Variants in NNT observed in about 807,000 individuals in gnomAD.
NNT encodes NAD(P) transhydrogenase, mitochondrial.
A neutral mutation model predicts 104.8 loss-of-function variants in NNT; 50 were observed. The observed-to-expected ratio is 0.48, with a 90% CI of 0.38 to 0.60. The LOEUF (loss-of-function observed/expected upper bound fraction) is 0.60, where lower values mean the gene tolerates loss of function less well. NNT is among the 20% of genes least tolerant of loss of function. The probability of loss-of-function intolerance (pLI) is 0.00; values close to 1 mark genes in which losing one functional copy is unlikely to be tolerated. For synonymous variants in NNT, 461 were observed against 490.4 expected, an observed-to-expected ratio of 0.94 and a Z score of 0.79; for missense variants, 1,131 against 1,330.7, an observed-to-expected ratio of 0.85 and a Z score of 2.33.
At chr5:43,620,840 C>T (rs753898278) in intron 5 of NNT, among the ~76,000 whole-genome samples, 1 of 152,112 alleles carries the variant, frequency 6.6e-6, no homozygotes, top group Non-Finnish European at 1.5e-5. Context: ...CTTTGATGCA[C>T]AAGTCTACTA....
intron 2 of NNT, 91 bp from the exon 3 acceptor site, chr5:43,612,817 G>T: frequency 1.2e-6 from 1 of 840,964 alleles, no homozygotes; most frequent in South Asian, 1.7e-5. Flanking sequence ...AGAAAAGATT[G>T]CTCCTTTCAA....
chr5:43,618,255 G>C (rs1450770054), intron 4 of NNT, among the ~76,000 whole-genome samples: 1 of 152,112 alleles, frequency 6.6e-6, no homozygotes, highest in African/African-American at 2.4e-5. Flanking sequence ...TAGTCCTCAC[G>C]ACCCTAAAAG....
chr5:43,662,631 G>A (rs530108846), intron 17 of NNT, among the ~76,000 whole-genome samples: 7 of 152,278 alleles, frequency 4.6e-5, no homozygotes, highest in Non-Finnish European at 8.8e-5. Context: ...CGTGGCTCAT[G>A]CCTGTAATTC....
intron 19 of NNT, among the ~76,000 whole-genome samples, chr5:43,686,578 A>T (rs1742001494): frequency 6.6e-6 from 1 of 152,136 alleles, no homozygotes; most frequent in Non-Finnish European, 1.5e-5. Context: ...TAGAAAAGCA[A>T]CCCAGTAAGT....
At position 43,619,101 on chromosome 5, in the gene NNT, AAAAGTT is replaced by A. The variant is rs1749936127; in HGVS notation, c.670_675del (p.Lys224_Val225del). The stretch of plus-strand genomic sequence containing the variant: ...TTACTGGTCAGATCACAGCTGCTGG[AAAAGTT>A]CCTCCAGCTAAGGTAGGTACAACTT... On this transcript the variant is annotated inframe_deletion, in exon 5 of 22. Transcript: ENST00000344920. 1.3e-6 allele frequency: 2 copies of A among 1,548,470 alleles called. No homozygotes were observed. Among genetic ancestry groups the A allele is most frequent in the African/African-American group, 1.4e-5 (1 of 73,078 alleles).
chr5:43,647,241 A>C (rs919342298), intron 10 of NNT, among the ~76,000 whole-genome samples: 3 of 152,220 alleles, frequency 2.0e-5, no homozygotes, highest in Non-Finnish European at 4.4e-5. Context: ...TAGATAAAGC[A>C]GTGTCCCTAC....
At chr5:43,686,664 A>G (rs528918530) in intron 19 of NNT, among the ~76,000 whole-genome samples, 1 of 152,278 alleles carries the variant, frequency 6.6e-6, no homozygotes, top group Non-Finnish European at 1.5e-5. Flanking sequence ...AAAAATATGC[A>G]TTTATTTGAA....
intron 17 of NNT, among the ~76,000 whole-genome samples, chr5:43,673,412 G>A (rs373645240): frequency 8.6e-5 from 13 of 152,046 alleles, no homozygotes; most frequent in Non-Finnish European, 1.2e-4. Flanking sequence ...CTTCCTATTC[G>A]GCCATCTTGG....
chr5:43,651,963 A>C, intron 13 of NNT, 79 bp downstream of exon 13: 1 of 1,449,862 alleles, frequency 6.9e-7, no homozygotes, highest in East Asian at 2.3e-5. Context: ...AGTTATCCTA[A>C]TTCAAAGTAT....
intron 10 of NNT, chr5:43,648,146 G>A (rs1328187559): frequency 8.6e-7 from 1 of 1,165,200 alleles, no homozygotes; most frequent in Non-Finnish European, 1.1e-6. Flanking sequence ...GATGGTTAAT[G>A]GGCTATGCAC....
chr5:43,695,492 A>T (rs1362474044), intron 19 of NNT, among the ~76,000 whole-genome samples: 1 of 152,224 alleles, frequency 6.6e-6, no homozygotes, highest in Admixed American at 6.5e-5. Flanking sequence ...TTATGCATCT[A>T]GATCATGTCT....
In NNT at chr5:43,659,063, TA is replaced by T. The variant is rs370833778; in HGVS notation, c.2455-105del. On this transcript the variant is annotated intron_variant, in intron 16 of 21. Coordinates refer to ENST00000344920, the MANE Select transcript of NNT (RefSeq NM_182977.3). ...TATTACCGGAAGTGGAACTTATATG[TA>T]AATATATTAATGGGAAAACTAGAAT... 8 of 1,131,936 alleles carry T rather than the reference TA, an allele frequency of 7.1e-6. No homozygotes were observed. In the African/African-American group the frequency reaches 9.4e-5, roughly 13 times the overall value. 70.1% of individuals were successfully genotyped at this position (1,131,936 alleles called of 1,614,324 possible). A position where few individuals can be genotyped will look rare whatever the true frequency, so the allele number is the denominator to read the frequency against.
chr5:43,662,210 C>A (rs1163014523), intron 17 of NNT, among the ~76,000 whole-genome samples: 1 of 152,094 alleles, frequency 6.6e-6, no homozygotes, highest in African/African-American at 2.4e-5. Context: ...TTATTACTCT[C>A]TTTTTCCTTC....
At chr5:43,614,943 C>T (rs1365292992) in intron 3 of NNT, among the ~76,000 whole-genome samples, 2 of 151,780 alleles carry the variant, frequency 1.3e-5, no homozygotes, top group South Asian at 4.2e-4. Context: ...CGAGACCATC[C>T]TGGCTAACAA....
intron 17 of NNT, among the ~76,000 whole-genome samples, chr5:43,663,406 C>T (rs1175461611): frequency 1.3e-5 from 2 of 152,202 alleles, no homozygotes; most frequent in African/African-American, 4.8e-5. Context: ...TGTATGATCT[C>T]TACTCCTAGG....
At chr5:43,656,382 AAG>A (rs1740047347) in intron 15 of NNT, among the ~76,000 whole-genome samples, 1 of 152,196 alleles carries the variant, frequency 6.6e-6, no homozygotes, top group African/African-American at 2.4e-5. Context: ...CAGAAATTGT[AAG>A]AGTTTTTTTC....
chr5:43,651,627 C>G, intron 12 of NNT, 112 bp from the exon 13 acceptor site: 1 of 1,129,838 alleles, frequency 8.9e-7, no homozygotes, highest in Non-Finnish European at 1.3e-6. Context: ...TATATTTGTT[C>G]CTAGGTGATA....
In NNT at chr5:43,659,296, C is replaced by T. The variant is rs756436246; in HGVS notation, c.2580C>T (p.Ile860=). The change falls in exon 17 of 22, where the codon ATC becomes ATT. Residue 860 remains isoleucine, a synonymous_variant. Transcript: ENST00000344920. ...GFLLNNNLLT[I]VGALIGSSGA... Reference sequence around the variant, plus strand: ...TGCTCAACAACAATCTGCTGACCATCGTGGGTGCACTCATAGGCTCGTCTG... The same window carrying T: ...TGCTCAACAACAATCTGCTGACCATTGTGGGTGCACTCATAGGCTCGTCTG... 3.3e-5 allele frequency: 53 copies of T among 1,613,830 alleles called. No individual in the cohort carries two copies. Among genetic ancestry groups the T allele is most frequent in the South Asian group, 1.5e-4 (14 of 91,078 alleles).
At chr5:43,655,736 A>G in intron 14 of NNT, 104 bp from the exon 15 acceptor site, 1 of 790,330 alleles carries the variant, frequency 1.3e-6, no homozygotes, top group South Asian at 1.7e-5. Context: ...GAACTAGATA[A>G]TATTTATTTG....
Sources: gnomAD v4.1 joint callset for allele counts (sites outside exome capture counted in the v4.1 genomes callset) on GRCh38, gnomAD v4.1.1 for gene constraint, MANE v1.5 for transcripts, NCBI Gene and HGNC (gene_info 2026-07-23, HGNC 2026-07-21) for gene names.